The following SDCCAG8 variants were observed in gnomAD, a reference collection of about 807,000 sequenced individuals.
The protein encoded by SDCCAG8 is SHH signaling and ciliogenesis regulator SDCCAG8.
In SDCCAG8, 74 loss-of-function variants were observed where a neutral mutation model predicts 101.8. The observed-to-expected ratio is 0.73, with a 90% confidence interval of 0.60 to 0.88. The LOEUF is 0.88. SDCCAG8 is among the 40% of genes least tolerant of loss of function. SDCCAG8 has a pLI of 0.00. For missense variants in SDCCAG8, 787 were observed against 822.6 expected (o/e 0.96, Z 0.53); for synonymous variants, 281 against 292.9 (o/e 0.96, Z 0.41).
intron 16 of SDCCAG8, among the ~76,000 whole-genome samples, chr1:243,476,662 T>C (rs1421444709): frequency 6.6e-6 from 1 of 152,192 alleles, no homozygotes; most frequent in East Asian, 1.9e-4. Flanking sequence ...TTCCATGTCT[T>C]CCGTTAAGAC....
rs544171155 is a variant in SDCCAG8, at chr1:243,277,022, A to G, written c.420+2366A>G. Among the ~76,000 whole-genome samples the G allele has an allele frequency of 3.9e-5, 6 of 152,352 alleles. No individual in the cohort carries two copies. The South Asian group carries it at 1.2e-3, about 32-fold the overall frequency. On this transcript the variant is annotated intron_variant, in intron 4 of 17. Coordinates refer to ENST00000366541, the MANE Select transcript of SDCCAG8 (RefSeq NM_006642.5). ...TTAAGTAGTATTCAATTAGATGAAT[A>G]TACCATAGCTTTTTTATCTGTGCAC... is the stretch of plus-strand genomic sequence containing the variant.
intron 13 of SDCCAG8, among the ~76,000 whole-genome samples, chr1:243,390,244 A>G (rs1029036386): frequency 1.3e-5 from 2 of 152,184 alleles, no homozygotes; most frequent in African/African-American, 4.8e-5. Flanking sequence ...TCATGAATAA[A>G]TTAAGCAGAG....
intron 9 of SDCCAG8, among the ~76,000 whole-genome samples, chr1:243,318,252 A>C (rs1166506058): frequency 3.3e-5 from 5 of 152,190 alleles, no homozygotes; most frequent in African/African-American, 1.2e-4. Flanking sequence ...CTAACGCAGG[A>C]ACAGAAAGCC....
chr1:243,298,740 C>T (rs2071213191), intron 6 of SDCCAG8, among the ~76,000 whole-genome samples: 1 of 152,154 alleles, frequency 6.6e-6, no homozygotes, highest in African/African-American at 2.4e-5. Context: ...GAAAGGTAGT[C>T]CTTTGCCTTT....
intron 12 of SDCCAG8, among the ~76,000 whole-genome samples, chr1:243,349,615 C>CA (rs1289948905): frequency 2.0e-5 from 3 of 152,140 alleles, no homozygotes; most frequent in African/African-American, 7.2e-5. Context: ...TGCAGTATAA[C>CA]AAATGTGCCA....
chr1:243,331,996 A>G (rs2149351099), intron 10 of SDCCAG8, among the ~76,000 whole-genome samples: 1 of 152,368 alleles, frequency 6.6e-6, no homozygotes, highest in Admixed American at 6.5e-5. Flanking sequence ...GACCTTGTCT[A>G]GGCAGTCACG....
chr1:243,308,264 T>A, intron 8 of SDCCAG8, 87 bp downstream of exon 8: 1 of 1,320,352 alleles, frequency 7.6e-7, no homozygotes, highest in Non-Finnish European at 1.1e-6. Flanking sequence ...AGCCCTATGC[T>A]AAGTCACATG....
At chr1:243,412,612 CTCA>C (rs2080262479) in intron 13 of SDCCAG8, among the ~76,000 whole-genome samples, 1 of 151,152 alleles carries the variant, frequency 6.6e-6, no homozygotes, top group African/African-American at 2.4e-5. Context: ...TTTTTCCCAG[CTCA>C]TCAGCAATCA....
intron 10 of SDCCAG8, among the ~76,000 whole-genome samples, chr1:243,333,460 G>C (rs573318199): frequency 1.3e-5 from 2 of 152,318 alleles, no homozygotes; most frequent in South Asian, 4.1e-4. Flanking sequence ...AACTCACCTA[G>C]GTGATTCCAA....
chr1:243,397,201 T>A (rs552770190), intron 13 of SDCCAG8, among the ~76,000 whole-genome samples: 1 of 152,188 alleles, frequency 6.6e-6, no homozygotes. Context: ...AAAGTGTTCA[T>A]AGAGGAAGGT....
chr1:243,432,089 T>A (rs1250345932), intron 16 of SDCCAG8, among the ~76,000 whole-genome samples: 1 of 152,222 alleles, frequency 6.6e-6, no homozygotes, highest in African/African-American at 2.4e-5. Flanking sequence ...AAAATACAAA[T>A]TATAATATTG....
At chr1:243,419,054 G>C (rs886710797) in intron 15 of SDCCAG8, among the ~76,000 whole-genome samples, 1 of 151,938 alleles carries the variant, frequency 6.6e-6, no homozygotes, top group Non-Finnish European at 1.5e-5. Context: ...ATCACTCTGA[G>C]CTCCATCTTG....
At chr1:243,367,309 G>T (rs1012111322) in intron 12 of SDCCAG8, among the ~76,000 whole-genome samples, 9 of 151,812 alleles carry the variant, frequency 5.9e-5, no homozygotes, top group African/African-American at 1.2e-4. Context: ...TGTTTTCCTG[G>T]TTTTTTGCAG....
Position 243,285,844 on chromosome 1 carries a change from G to A in SDCCAG8, c.421-428G>A, listed in dbSNP as rs1052467502. Reference sequence around the variant, plus strand: ...CATTTCATAGATAATCATCACTCCCGTCTATGCCTTTCTATCTCAGAGCCT... The same window carrying A: ...CATTTCATAGATAATCATCACTCCCATCTATGCCTTTCTATCTCAGAGCCT... On this transcript the variant is annotated intron_variant, in intron 4 of 17. Coordinates refer to ENST00000366541, the MANE Select transcript of SDCCAG8 (RefSeq NM_006642.5). Among the ~76,000 whole-genome samples, 5 of 152,132 alleles carry A rather than the reference G, an allele frequency of 3.3e-5. No individual in the cohort carries two copies. In the East Asian group the frequency reaches 5.8e-4, roughly 18 times the overall value.
At chr1:243,296,532 G>C (rs1469659911) in intron 6 of SDCCAG8, among the ~76,000 whole-genome samples, 1 of 41,446 alleles carries the variant, frequency 2.4e-5, no homozygotes, top group African/African-American at 7.2e-5. Flanking sequence ...CACCCCAACT[G>C]CTCTTTTTTT....
chr1:243,371,350 T>A (rs545631102), intron 12 of SDCCAG8, among the ~76,000 whole-genome samples: 70 of 152,296 alleles, frequency 4.6e-4, no homozygotes, highest in Non-Finnish European at 8.4e-4. Context: ...ATCTCAGCTC[T>A]GCCACTGTAT....
chr1:243,492,071 C>T (rs1372532833), intron 17 of SDCCAG8, among the ~76,000 whole-genome samples: 1 of 152,004 alleles, frequency 6.6e-6, no homozygotes, highest in Non-Finnish European at 1.5e-5. Context: ...CTGTGGCCTC[C>T]AACAGGAAGT....
At chr1:243,372,855 G>T (rs1213779734) in intron 12 of SDCCAG8, among the ~76,000 whole-genome samples, 1 of 146,854 alleles carries the variant, frequency 6.8e-6, no homozygotes, top group Non-Finnish European at 1.5e-5. Context: ...AAAATTATCT[G>T]GGTATGGTGA....
At position 243,489,062 on chromosome 1, in the gene SDCCAG8, G is replaced by C. The variant is rs777427404; in HGVS notation, c.2034G>C (p.Val678=). 6.8e-6 allele frequency: 11 copies of C among 1,613,336 alleles called. No homozygotes were observed. In the African/African-American group the frequency reaches 1.3e-4, roughly 20 times the overall value. The change falls in exon 17 of 18, where the codon GTG becomes GTC. Residue 678 remains valine, a synonymous_variant. Coordinates refer to ENST00000366541, the MANE Select transcript of SDCCAG8 (RefSeq NM_006642.5). ...GCCAGGCCACAGCCCAGCAGCTGGT[G>C]CAGCTCCTCAGCAAGCAGAACCAGC... ...KHSQATAQQL[V]QLLSKQNQLL...
Sources: gnomAD v4.1 joint callset for allele counts (sites outside exome capture counted in the v4.1 genomes callset) on GRCh38, gnomAD v4.1.1 for gene constraint, MANE v1.5 for transcripts, NCBI Gene and HGNC (gene_info 2026-07-23, HGNC 2026-07-21) for gene names.